ACO1: variants seen among roughly 807,000 people sequenced by gnomAD.
ACO1 encodes the protein cytoplasmic aconitate hydratase.
A neutral mutation model predicts 105.1 loss-of-function variants in ACO1; 78 were observed. That is an observed-to-expected ratio of 0.74 (90% CI 0.62 to 0.90). The LOEUF is 0.90. Ranked by LOEUF, ACO1 falls within the 40% of genes least tolerant of loss-of-function variation. The pLI, the probability that ACO1 is intolerant of heterozygous loss-of-function variation, is 0.00. For missense variants in ACO1, 965 were observed against 1,111.1 expected (o/e 0.87, Z 1.87); for synonymous variants, 364 against 397.4 (o/e 0.92, Z 1.00).
intron 19 of ACO1, among the ~76,000 whole-genome samples, chr9:32,446,543 T>C (rs935026953): frequency 4.6e-5 from 7 of 152,212 alleles, no homozygotes; most frequent in Non-Finnish European, 8.8e-5. Flanking sequence ...CTATCCAATT[T>C]GCCAGTCTGT....
At chr9:32,433,199 C>T (rs1360996643) in intron 15 of ACO1, among the ~76,000 whole-genome samples, 1 of 152,090 alleles carries the variant, frequency 6.6e-6, no homozygotes, top group African/African-American at 2.4e-5. Flanking sequence ...TCCCTCCTGC[C>T]ATCCTAGAAG....
chr9:32,443,282 A>T (rs76187002), intron 19 of ACO1, among the ~76,000 whole-genome samples: 1 of 152,128 alleles, frequency 6.6e-6, no homozygotes, highest in East Asian at 1.9e-4. Context: ...TGTAAAAAAA[A>T]CGCTTCATTG....
At chr9:32,413,883 C>T (rs1007574583) in intron 4 of ACO1, among the ~76,000 whole-genome samples, 1 of 152,028 alleles carries the variant, frequency 6.6e-6, no homozygotes, top group Non-Finnish European at 1.5e-5. Flanking sequence ...GGCACGGTGG[C>T]TCATGCCTGT....
At chr9:32,407,145 T>G (rs941957950) in intron 2 of ACO1, 116 bp from the exon 3 acceptor site, 1 of 966,994 alleles carries the variant, frequency 1.0e-6, no homozygotes, top group African/African-American at 1.6e-5. Flanking sequence ...TTTACCCTCT[T>G]TCCTTGTGGA....
intron 1 of ACO1, chr9:32,386,480 C>T (rs1320821062): frequency 1.3e-5 from 2 of 152,176 alleles, no homozygotes; most frequent in East Asian, 3.9e-4. Flanking sequence ...TAGCTTCGTG[C>T]CTTGTCAGAA....
intron 12 of ACO1, among the ~76,000 whole-genome samples, chr9:32,428,442 C>A (rs1822149131): frequency 6.6e-6 from 1 of 152,054 alleles, no homozygotes; most frequent in Non-Finnish European, 1.5e-5. Context: ...ATAATAATGC[C>A]TCCTGGAATA....
In ACO1 at chr9:32,419,075, TCAGC is replaced by T; in HGVS notation, c.699_702del (p.Pro234SerfsTer8). ...TTGAAGCAGAAGCTGTCATGCTGGGTCAGCCAATCAGTATGGTGCTTCCTCAGGT... is the reference window on the plus strand; with the variant it reads ...TTGAAGCAGAAGCTGTCATGCTGGGTCAATCAGTATGGTGCTTCCTCAGGT... On this transcript the variant is annotated frameshift_variant, in exon 7 of 21. Coordinates refer to ENST00000309951, the MANE Select transcript of ACO1 (RefSeq NM_002197.3). LOFTEE classifies it high-confidence loss of function. The T allele has an allele frequency of 6.2e-7, 1 of 1,607,738 alleles. No homozygotes were observed. Among genetic ancestry groups the T allele is most frequent in the South Asian group, 1.1e-5 (1 of 90,042 alleles).
intron 19 of ACO1, among the ~76,000 whole-genome samples, chr9:32,443,777 A>C (rs78327634): frequency 6.6e-6 from 1 of 152,336 alleles, no homozygotes; most frequent in East Asian, 1.9e-4. Flanking sequence ...AGAGGTAGCA[A>C]GGCAAAGGTT....
chr9:32,449,099 T>C lies in ACO1; in HGVS notation c.2556+18T>C. 1 of 1,580,904 alleles carries C rather than the reference T, an allele frequency of 6.3e-7. No individual in the cohort carries two copies. Among genetic ancestry groups the C allele is most frequent in the Non-Finnish European group, 8.6e-7 (1 of 1,163,296 alleles). ...AGGTCAAGGTAAGCTGGAGCCTCTC[T>C]ATGCCAGGCCCTGTCGAAAGGGGCC... On this transcript the variant is annotated intron_variant, in intron 20 of 20. Coordinates refer to ENST00000309951, the MANE Select transcript of ACO1 (RefSeq NM_002197.3).
chr9:32,429,534 A>G, intron 13 of ACO1, 31 bp downstream of exon 13: 2 of 1,580,694 alleles, frequency 1.3e-6, no homozygotes, highest in Non-Finnish European at 1.7e-6. Context: ...AGGTCTTCAG[A>G]GCAGTTGTTT....
intron 4 of ACO1, 26 bp downstream of exon 4, chr9:32,408,677 G>C (rs748807960): frequency 1.9e-6 from 3 of 1,612,260 alleles, no homozygotes. Flanking sequence ...GAATACCTGA[G>C]TGTTCTGCTT....
chr9:32,416,097 CT>C lies in ACO1; in HGVS notation c.405-2016del, dbSNP rs11421318. ...TCTGTGTGGTAACCAAATATGTTTTCTTTTTTTTTTTTTTTGAGATGGCGTC... is the reference window on the plus strand; with the variant it reads ...TCTGTGTGGTAACCAAATATGTTTTCTTTTTTTTTTTTTTGAGATGGCGTC... On this transcript the variant is annotated intron_variant, in intron 4 of 20. Transcript: ENST00000309951. 3.7e-3 allele frequency among the ~76,000 whole-genome samples: 507 copies of C among 137,820 alleles called. 1 individual carries two copies. The highest frequency in any genetic ancestry group is 9.5e-3 in the African/African-American group (354 of 37,096). 90.4% of individuals were successfully genotyped at this position (137,820 alleles called of 152,430 possible).
rs45450994 is a variant in ACO1, at chr9:32,424,677, C to T, written c.1188+12C>T. The T allele has an allele frequency of 0.019, 29,507 of 1,582,952 alleles. 356 individuals carry two copies. The highest frequency in any genetic ancestry group is 0.023 in the Non-Finnish European group (26,644 of 1,153,466). ...GCCTTGGAGCCAAGGTAGGGGCCTGCGGGAAGAGGTTGAATCCTCTCAACT... is the reference window on the plus strand; with the variant it reads ...GCCTTGGAGCCAAGGTAGGGGCCTGTGGGAAGAGGTTGAATCCTCTCAACT... On this transcript the variant is annotated intron_variant, in intron 10 of 20. Transcript: ENST00000309951.
chr9:32,417,075 C>A (rs1335994402), intron 4 of ACO1, among the ~76,000 whole-genome samples: 6 of 152,214 alleles, frequency 3.9e-5, no homozygotes, highest in Non-Finnish European at 7.4e-5. Context: ...AGTGTCAACT[C>A]GGGAGTCAGA....
intron 8 of ACO1, among the ~76,000 whole-genome samples, chr9:32,422,798 C>A (rs1034607540): frequency 2.6e-5 from 4 of 152,128 alleles, no homozygotes; most frequent in African/African-American, 9.7e-5. Flanking sequence ...AATAATTGTA[C>A]TTGTATCTTA....
At position 32,427,163 on chromosome 9, in the gene ACO1, A is replaced by G. The variant is rs1053464259; in HGVS notation, c.1349-138A>G. 2.9e-5 allele frequency: 31 copies of G among 1,078,416 alleles called. No homozygotes were observed. The African/African-American group carries it at 4.6e-4, about 16-fold the overall frequency. The allele number at this position is 1,078,416 out of a possible 1,614,324, so 66.8% of individuals were successfully genotyped here. A position where few individuals can be genotyped will look rare whatever the true frequency, so the allele number is the denominator to read the frequency against. On this transcript the variant is annotated intron_variant, in intron 11 of 20. Transcript: ENST00000309951. ...TTCTGTTTGGCAGCAGAAACAGCAG[A>G]TAGCGCCAACATGAAGGGAGCGTGG...
intron 1 of ACO1, among the ~76,000 whole-genome samples, chr9:32,399,966 G>GTTTTTTGTT (rs1821455017): frequency 5.7e-5 from 4 of 69,842 alleles, no homozygotes; most frequent in Admixed American, 2.2e-4. Context: ...TTCTTTTTCT[G>GTTTTTTGTT]TTTTTTTTTT....
rs1179604568 is a variant in ACO1 at position 32,410,421 on chromosome 9, G to A, written c.404+1770G>A. ...AAAATACAAAAAAAAATAGCTGGGT[G>A]TGGTGGTGGGCACCTGTAGTCCCAG... On this transcript the variant is annotated intron_variant, in intron 4 of 20. Coordinates refer to ENST00000309951, the MANE Select transcript of ACO1 (RefSeq NM_002197.3). Among the ~76,000 whole-genome samples the A allele has an allele frequency of 2.6e-5, 4 of 152,176 alleles. No homozygotes were observed. The East Asian group carries it at 5.8e-4, about 22-fold the overall frequency.
intron 16 of ACO1, among the ~76,000 whole-genome samples, chr9:32,434,147 A>G (rs187017702): frequency 4.6e-5 from 7 of 152,164 alleles, no homozygotes; most frequent in Non-Finnish European, 8.8e-5. Flanking sequence ...CCTTATACCC[A>G]TAAAAACCAG....
Sources: allele counts gnomAD v4.1 joint callset (sites outside exome capture counted in the v4.1 genomes callset), GRCh38; gene constraint gnomAD v4.1.1; transcripts MANE v1.5; gene names NCBI Gene and HGNC (gene_info 2026-07-23, HGNC 2026-07-21).